The following PRKG1 variants were observed in gnomAD, a reference collection of about 807,000 sequenced individuals.
PRKG1 encodes cGMP-dependent protein kinase 1.
A neutral mutation model predicts 88.1 loss-of-function variants in PRKG1; 35 were observed. The ratio of observed to expected loss-of-function variants is 0.40; its 90% CI spans 0.30 to 0.53. The LOEUF (loss-of-function observed/expected upper bound fraction) is 0.53. Ranked by LOEUF, PRKG1 falls within the 20% of genes least tolerant of loss-of-function variation. The pLI is 0.59. For synonymous variants in PRKG1, 303 were observed against 292.5 expected, an observed-to-expected ratio of 1.04 and a Z score of -0.37; for missense variants, 540 against 839.8, an observed-to-expected ratio of 0.64 and a Z score of 4.41.
chr10:51,005,410 A>C (rs1842931137), intron 1 of PRKG1, among the ~76,000 whole-genome samples: 1 of 152,188 alleles, frequency 6.6e-6, no homozygotes, highest in Admixed American at 6.5e-5. Flanking sequence ...GTCTCCTTTG[A>C]TGGACAAAAC....
At chr10:52,176,249 C>G (rs1247172740) in intron 9 of PRKG1, among the ~76,000 whole-genome samples, 1 of 136,914 alleles carries the variant, frequency 7.3e-6, no homozygotes, top group Non-Finnish European at 1.5e-5. Flanking sequence ...CCCAGTTTTC[C>G]TAGCACCATT....
chr10:51,891,813 T>C (rs1206423022), intron 4 of PRKG1, among the ~76,000 whole-genome samples: 1 of 152,096 alleles, frequency 6.6e-6, no homozygotes, highest in East Asian at 1.9e-4. Flanking sequence ...TTTACAAAAA[T>C]AGGTAGTGGA....
chr10:51,074,177 C>G (rs1843884399), upstream of PRKG1: 1 of 159,440 alleles, frequency 6.3e-6, no homozygotes, highest in South Asian at 2.0e-4. Flanking sequence ...CCCGCACGCC[C>G]CGCAAGCTTC....
intron 3 of PRKG1, among the ~76,000 whole-genome samples, chr10:51,763,183 T>C (rs1838066076): frequency 6.6e-6 from 1 of 152,188 alleles, no homozygotes; most frequent in Non-Finnish European, 1.5e-5. Context: ...TATATTGTCT[T>C]ACCATGTACT....
rs1175871264 is a variant in PRKG1, at chr10:52,294,006, T to A, written c.*106T>A. The A allele has an allele frequency of 1.2e-6, 1 of 848,978 alleles. No individual in the cohort carries two copies. Among genetic ancestry groups the A allele is most frequent in the Non-Finnish European group, 1.9e-6 (1 of 531,300 alleles). 52.6% of individuals were successfully genotyped at this position (848,978 alleles called of 1,614,324 possible). On this transcript the variant is annotated 3_prime_UTR_variant, in exon 18 of 18. Coordinates refer to ENST00000373980, the MANE Select transcript of PRKG1 (RefSeq NM_006258.4). ...AGAAGATTAGTGCTCGGGGTCACCA[T>A]GATGCCTTTGATCGATGCTGCTCCA...
chr10:51,444,073 C>T (rs1241578520), intron 2 of PRKG1, among the ~76,000 whole-genome samples: 1 of 150,324 alleles, frequency 6.7e-6, no homozygotes, highest in Non-Finnish European at 1.5e-5. Flanking sequence ...CATAAAGAAC[C>T]ATGATCAGAG....
chr10:51,894,481 C>T (rs186145936), intron 4 of PRKG1, among the ~76,000 whole-genome samples: 32 of 152,214 alleles, frequency 2.1e-4, no homozygotes, highest in African/African-American at 7.7e-4. Flanking sequence ...GTGATGGTTG[C>T]ATAACAATAT....
At chr10:51,107,945 A>C (rs1844886021) in intron 1 of PRKG1, among the ~76,000 whole-genome samples, 1 of 152,152 alleles carries the variant, frequency 6.6e-6, no homozygotes, top group Non-Finnish European at 1.5e-5. Context: ...TTATGAGGAT[A>C]ATAAGGAAAT....
chr10:51,462,014 T>A lies in PRKG1; in HGVS notation c.479-5709T>A, dbSNP rs1409788030. ...CTCCCAAAGGAAAATACATCCTTGCTGGTGACAGCACAGCTCCACTACCAG... is the reference window on the plus strand; with the variant it reads ...CTCCCAAAGGAAAATACATCCTTGCAGGTGACAGCACAGCTCCACTACCAG... On this transcript the variant is annotated intron_variant, in intron 2 of 17. Coordinates refer to ENST00000373980, the MANE Select transcript of PRKG1 (RefSeq NM_006258.4). Among the ~76,000 whole-genome samples the A allele has an allele frequency of 3.3e-5, 5 of 152,238 alleles. No homozygotes were observed. The East Asian group carries it at 9.6e-4, about 29-fold the overall frequency.
At chr10:51,570,067 ATGTGTGTGTGTGTT>A (rs1837710715) in intron 3 of PRKG1, among the ~76,000 whole-genome samples, 74 of 112,852 alleles carry the variant, frequency 6.6e-4, no homozygotes, top group African/African-American at 1.1e-3. Flanking sequence ...ATATATATAT[ATGTGTGTGTGTGTT>A]TATATATGTA....
chr10:51,923,738 A>C (rs573629658), intron 5 of PRKG1, among the ~76,000 whole-genome samples: 1 of 151,898 alleles, frequency 6.6e-6, no homozygotes, highest in African/African-American at 2.4e-5. Flanking sequence ...GTATATTGTT[A>C]CTCTTATTAT....
chr10:52,077,557 A>C (rs1369966319), intron 7 of PRKG1, among the ~76,000 whole-genome samples: 2 of 152,284 alleles, frequency 1.3e-5, no homozygotes, highest in Non-Finnish European at 2.9e-5. Context: ...GCAAATGCCA[A>C]AAGTTTTCGA....
chr10:51,063,474 A>G (rs1037901429), intron 1 of PRKG1, among the ~76,000 whole-genome samples: 3 of 152,226 alleles, frequency 2.0e-5, no homozygotes, highest in African/African-American at 7.2e-5. Flanking sequence ...GTATCTAAAC[A>G]TATCTAAACA....
chr10:52,059,893 A>G (rs1211061879), intron 6 of PRKG1, among the ~76,000 whole-genome samples: 2 of 151,970 alleles, frequency 1.3e-5, no homozygotes, highest in African/African-American at 2.4e-5. Flanking sequence ...GTATCTAGGC[A>G]TATCTATAAC....
chr10:51,753,150 G>T (rs1837768823), intron 3 of PRKG1, among the ~76,000 whole-genome samples: 2 of 151,966 alleles, frequency 1.3e-5, no homozygotes, highest in Non-Finnish European at 2.9e-5. Flanking sequence ...TGTTCTTTTA[G>T]TAAGCTTTTG....
At chr10:51,899,363 A>G (rs1841927777) in intron 4 of PRKG1, among the ~76,000 whole-genome samples, 1 of 152,004 alleles carries the variant, frequency 6.6e-6, no homozygotes, top group African/African-American at 2.4e-5. Context: ...TATTTTCCCA[A>G]ATCAAAAAAA....
Position 51,510,101 on chromosome 10 carries a change from C to G in PRKG1, c.592+42265C>G, listed in dbSNP as rs540722532. Among the ~76,000 whole-genome samples, 69 of 152,280 alleles carry G rather than the reference C, an allele frequency of 4.5e-4. 1 individual carries two copies. The highest frequency in any genetic ancestry group is 1.6e-3 in the African/African-American group (68 of 41,554). On this transcript the variant is annotated intron_variant, in intron 3 of 17. Coordinates refer to ENST00000373980, the MANE Select transcript of PRKG1 (RefSeq NM_006258.4). ...GAAAAAGTTAAGTTATACCAACCTC[C>G]CTTTCCTTTCACTGCTTTTTTGTAA...
chr10:52,255,373 T>C (rs1446285185), intron 10 of PRKG1, among the ~76,000 whole-genome samples: 3 of 152,082 alleles, frequency 2.0e-5, no homozygotes, highest in African/African-American at 7.2e-5. Context: ...TTTGTATGAC[T>C]CAAAGACAAA....
intron 2 of PRKG1, among the ~76,000 whole-genome samples, chr10:51,277,652 C>G (rs1840163805): frequency 6.6e-6 from 1 of 152,156 alleles, no homozygotes; most frequent in Non-Finnish European, 1.5e-5. Flanking sequence ...GTTTGTAGTT[C>G]TCCTTGAAGA....
Sources: allele counts gnomAD v4.1 joint callset (sites outside exome capture counted in the v4.1 genomes callset), GRCh38; gene constraint gnomAD v4.1.1; transcripts MANE v1.5; gene names NCBI Gene and HGNC (gene_info 2026-07-23, HGNC 2026-07-21).